The following VPS52 variants were observed in gnomAD, a reference collection of about 807,000 sequenced individuals.
VPS52 encodes vacuolar protein sorting-associated protein 52 homolog.
In VPS52, 56 loss-of-function variants were observed where a neutral mutation model predicts 98.7. The observed-to-expected ratio is 0.57, with a 90% confidence interval of 0.46 to 0.71. The LOEUF is 0.71. VPS52 is among the 30% of genes least tolerant of loss of function. The pLI is 0.00. For synonymous variants in VPS52, 348 were observed against 346.4 expected, an observed-to-expected ratio of 1.00 and a Z score of -0.05; for missense variants, 742 against 925.9, an observed-to-expected ratio of 0.80 and a Z score of 2.58.
Position 33,251,939 on chromosome 6 carries a change from A to C in VPS52, c.1827T>G (p.Phe609Leu). 1 of 1,613,176 alleles carries C rather than the reference A, an allele frequency of 6.2e-7. No individual in the cohort carries two copies. Among genetic ancestry groups the C allele is most frequent in the Non-Finnish European group, 8.5e-7 (1 of 1,180,032 alleles). ...CCTTCACAAATGCCACTAAACCCCCAAAAGGGGGAGACAGCAACTCTTCAA... is the reference window on the plus strand; with the variant it reads ...CCTTCACAAATGCCACTAAACCCCCCAAAGGGGGAGACAGCAACTCTTCAA... The part of the protein sequence containing the change: ...EFIEELLSPP[F>L]GGLVAFVKEA... The change falls in exon 18 of 20, where the codon TTT becomes TTG. Residue 609 changes from phenylalanine to leucine, a missense_variant. By Grantham distance (22) the Phe-to-Leu change is conservative. This residue lies in a region of VPS52 where 590 missense variants were observed against 793.3 expected (regional missense o/e 0.74). Transcript: ENST00000445902.
chr6:33,252,944 A>C (rs1762477582), intron 17 of VPS52, among the ~76,000 whole-genome samples: 1 of 152,204 alleles, frequency 6.6e-6, no homozygotes, highest in Non-Finnish European at 1.5e-5. Flanking sequence ...AGAAAAAAAA[A>C]AACTAATTTA....
chr6:33,270,011 T>A lies in VPS52; in HGVS notation c.216A>T (p.Glu72Asp). The A allele has an allele frequency of 6.2e-7, 1 of 1,614,150 alleles. No individual in the cohort carries two copies. Among genetic ancestry groups the A allele is most frequent in the Non-Finnish European group, 8.5e-7 (1 of 1,180,028 alleles). The part of the protein sequence containing the change: ...QANLEDELVK[E>D]ALKTGVDLRH... ...GGGAAAGCCTCACCGTTTTAAGAGC[T>A]TCCTTTACTAACTCATCCTCCAGAT... The change falls in exon 3 of 20, where the codon GAA (glutamate) becomes GAT (aspartate). Residue 72 changes from glutamate (E) to aspartate (D), a missense_variant. Transcript: ENST00000445902.
At position 33,267,403 on chromosome 6, in the gene VPS52, C is replaced by G; in HGVS notation, c.992-82G>C. 6.6e-7 allele frequency: 1 copy of G among 1,510,492 alleles called. No homozygotes were observed. Among genetic ancestry groups the G allele is most frequent in the Non-Finnish European group, 8.8e-7 (1 of 1,130,786 alleles). 93.6% of individuals were successfully genotyped at this position (1,510,492 alleles called of 1,614,324 possible). A position where few individuals can be genotyped will look rare whatever the true frequency, so the allele number is the denominator to read the frequency against. ...ACTATCTGTGGGGACCCCAGACAGG[C>G]AGACGTGGCCTAGCCAGCCCTCTTT... On this transcript the variant is annotated intron_variant, in intron 10 of 19. Coordinates refer to ENST00000445902, the MANE Select transcript of VPS52 (RefSeq NM_022553.6). This position sits in a 1 kb window ranked among gnomAD's most constrained non-coding sequence, Gnocchi z 4.2.
intron 3 of VPS52, 83 bp from the exon 4 acceptor site, chr6:33,269,902 C>T: frequency 1.9e-6 from 3 of 1,597,478 alleles, no homozygotes; most frequent in Non-Finnish European, 2.6e-6. Context: ...ACTAAAGGGT[C>T]AGATACCAGG....
chr6:33,263,384 TACACACACACACAC>T (rs878982754), intron 17 of VPS52, 86 bp downstream of exon 17: 24 of 574,468 alleles, frequency 4.2e-5, no homozygotes, highest in African/African-American at 9.9e-5. Flanking sequence ...TGCCACTCCC[TACACACACACACAC>T]ACACACACAC....
At chr6:33,252,618 A>AAATGACC (rs1762427265) in intron 17 of VPS52, among the ~76,000 whole-genome samples, 5 of 151,936 alleles carry the variant, frequency 3.3e-5, no homozygotes, top group African/African-American at 1.2e-4. Context: ...AAGGATGTAA[A>AAATGACC]AATGACCAAT....
Position 33,267,220 on chromosome 6 carries a change from C to T in VPS52, c.1093G>A (p.Val365Met). The T allele has an allele frequency of 4.4e-6, 7 of 1,585,916 alleles. No individual in the cohort carries two copies. The highest frequency in any genetic ancestry group is 6.0e-6 in the Non-Finnish European group (7 of 1,167,542). The change falls in exon 11 of 20, where the codon GTG (valine) becomes ATG (methionine). Residue 365 changes from valine to methionine, a missense_variant. Physicochemically the swap from Val to Met is conservative, Grantham distance 21. Around this residue, in one of 2 missense-constraint regions of VPS52, gnomAD observed 590 missense variants for 793.3 expected, o/e 0.74. Coordinates refer to ENST00000445902, the MANE Select transcript of VPS52 (RefSeq NM_022553.6). This position sits in a 1 kb window ranked among gnomAD's most constrained non-coding sequence, Gnocchi z 4.2. ...SPTELEAPIL[V>M]PHTAQRGEQR... ...TCTCCGCGCTGCGCTGTGTGAGGCA[C>T]CAGGATGGGGGCCTCAAGTTCAGTG...
Position 33,269,501 on chromosome 6 carries a change from C to T in VPS52, c.361G>A (p.Ala121Thr). The T allele has an allele frequency of 6.2e-7, 1 of 1,613,470 alleles. No individual in the cohort carries two copies. Among genetic ancestry groups the T allele is most frequent in the Admixed American group, 1.7e-5 (1 of 60,014 alleles). The change falls in exon 5 of 20, where the codon GCT (alanine) becomes ACT (threonine). Residue 121 changes from alanine (A) to threonine (T), a missense_variant. Transcript: ENST00000445902. Reference protein sequence around the residue: ...SLHNQITACDAVLERMEQMLG... With the variant: ...SLHNQITACDTVLERMEQMLG... The stretch of plus-strand genomic sequence containing the variant: ...TCATGATTACTAACCTCCAGGACAG[C>T]ATCACAGGCTGTGATCTGGTTGTGT...
chr6:33,250,782 G>C lies in VPS52; in HGVS notation c.*59C>G, dbSNP rs1316767971. 1.9e-6 allele frequency: 3 copies of C among 1,582,956 alleles called. No individual in the cohort carries two copies. The highest frequency in any genetic ancestry group is 2.6e-6 in the Non-Finnish European group (3 of 1,161,708). Reference sequence around the variant, plus strand: ...GGTACCCCAGGTGAAGAAGGGTATGGAATGGGGTGCAGAAGTCCATGGAGA... The same window carrying C: ...GGTACCCCAGGTGAAGAAGGGTATGCAATGGGGTGCAGAAGTCCATGGAGA... On this transcript the variant is annotated 3_prime_UTR_variant, in exon 20 of 20. Coordinates refer to ENST00000445902, the MANE Select transcript of VPS52 (RefSeq NM_022553.6).
chr6:33,251,061 C>T (rs1162737264), intron 19 of VPS52, 74 bp from the exon 20 acceptor site: 29 of 1,602,270 alleles, frequency 1.8e-5, no homozygotes, highest in Non-Finnish European at 2.1e-5. Context: ...TCAGGTTAGG[C>T]GGCCAGGCGC....
intron 5 of VPS52, 38 bp downstream of exon 5, chr6:33,269,452 A>C (rs771213608): frequency 1.9e-5 from 31 of 1,611,946 alleles, no homozygotes; most frequent in Non-Finnish European, 2.6e-5. Flanking sequence ...GATCTGGTTC[A>C]GAGTAGCTAT....
Position 33,251,938 on chromosome 6 carries a change from C to G in VPS52, c.1828G>C (p.Gly610Arg), listed in dbSNP as rs1274024316. 5 of 1,613,090 alleles carry G rather than the reference C, an allele frequency of 3.1e-6. No homozygotes were observed. The African/African-American group carries it at 6.7e-5, about 22-fold the overall frequency. ...TCCTTCACAAATGCCACTAAACCCCCAAAAGGGGGAGACAGCAACTCTTCA... is the reference window on the plus strand; with the variant it reads ...TCCTTCACAAATGCCACTAAACCCCGAAAAGGGGGAGACAGCAACTCTTCA... ...FIEELLSPPF[G>R]GLVAFVKEAE... The change falls in exon 18 of 20, where the codon GGG becomes CGG. Residue 610 changes from glycine (G) to arginine (R), a missense_variant. Around this residue, in one of 2 missense-constraint regions of VPS52, gnomAD observed 590 missense variants for 793.3 expected, o/e 0.74. Transcript: ENST00000445902.
Position 33,251,506 on chromosome 6 carries a change from C to T in VPS52, c.2025+12G>A. The T allele has an allele frequency of 1.3e-6, 2 of 1,558,916 alleles. No homozygotes were observed. Among genetic ancestry groups the T allele is most frequent in the Non-Finnish European group, 1.8e-6 (2 of 1,131,794 alleles). ...TGGGGGATCTGAGTGGGGCCTGGGA[C>T]TTGCAGGTCACCTGAATGATACTGG... On this transcript the variant is annotated intron_variant, in intron 19 of 19. Transcript: ENST00000445902.
chr6:33,256,054 A>C (rs555043183), intron 17 of VPS52, among the ~76,000 whole-genome samples: 1 of 152,278 alleles, frequency 6.6e-6, no homozygotes, highest in African/African-American at 2.4e-5. Flanking sequence ...CAAAAACATA[A>C]GATGTTAAAG....
chr6:33,269,006 T>C lies in VPS52; in HGVS notation c.548+8A>G. ...TGGACATTATAACCCTTCAAACTGG[T>C]AACTCACGTGACCAGAGCAGAAGGC... is the stretch of plus-strand genomic sequence containing the variant. On this transcript the variant is annotated splice_region_variant and intron_variant, in intron 6 of 19. Transcript: ENST00000445902. The C allele has an allele frequency of 6.2e-7, 1 of 1,611,674 alleles. No individual in the cohort carries two copies.
At chr6:33,251,480 A>G in intron 19 of VPS52, 38 bp downstream of exon 19, 1 of 1,331,366 alleles carries the variant, frequency 7.5e-7, no homozygotes, top group African/African-American at 1.4e-5. Flanking sequence ...ATAATTAATG[A>G]TGGGGGATCT....
At position 33,269,986 on chromosome 6, in the gene VPS52, G is replaced by A. The variant is rs755267216; in HGVS notation, c.228+13C>T. On this transcript the variant is annotated intron_variant, in intron 3 of 19. Transcript: ENST00000445902. ...TAGATAGAAGGGCAGATTAGTACAGGGGAAAGCCTCACCGTTTTAAGAGCT... is the reference window on the plus strand; with the variant it reads ...TAGATAGAAGGGCAGATTAGTACAGAGGAAAGCCTCACCGTTTTAAGAGCT... 6.8e-6 allele frequency: 11 copies of A among 1,613,972 alleles called. No homozygotes were observed. In the Admixed American group the frequency reaches 1.8e-4, roughly 27 times the overall value.
rs532062359 is a variant in VPS52 at position 33,256,325 on chromosome 6, T to C, written c.1795-4354A>G. 4.6e-4 allele frequency among the ~76,000 whole-genome samples: 69 copies of C among 149,442 alleles called. No homozygotes were observed. In the South Asian group the frequency reaches 0.011, roughly 24 times the overall value. ...TCTCTACAGAAAAAAAAAAGCCAAG[T>C]GTGGTGCTGTGTGCCTCTAGTCCTA... On this transcript the variant is annotated intron_variant, in intron 17 of 19. Transcript: ENST00000445902.
In VPS52 at chr6:33,271,747, A is replaced by G; in HGVS notation, c.-72T>C. The G allele has an allele frequency of 6.6e-7, 1 of 1,523,558 alleles. No homozygotes were observed. Among genetic ancestry groups the G allele is most frequent in the East Asian group, 2.4e-5 (1 of 41,410 alleles). 94.4% of individuals were successfully genotyped at this position (1,523,558 alleles called of 1,614,324 possible). A position where few individuals can be genotyped will look rare whatever the true frequency, so the allele number is the denominator to read the frequency against. On this transcript the variant is annotated 5_prime_UTR_variant, in exon 1 of 20. Transcript: ENST00000445902. ...TCCCCGGAGTGGAGCTACAAGTCCC[A>G]AAGGGTCTTCCTCAGCGCGAAATCG...
Sources: gnomAD v4.1 joint callset for allele counts (sites outside exome capture counted in the v4.1 genomes callset) on GRCh38, gnomAD v4.1.1 for gene constraint, gnomAD v4.1.1 regional missense constraint, Gnocchi (gnomAD v3.1) non-coding constraint, MANE v1.5 for transcripts, NCBI Gene and HGNC (gene_info 2026-07-23, HGNC 2026-07-21) for gene names.